Variants in CHCHD3 observed in about 807,000 individuals in gnomAD.
The protein encoded by CHCHD3 is MICOS complex subunit MIC19.
A neutral mutation model predicts 38.2 loss-of-function variants in CHCHD3; 20 were observed. The ratio of observed to expected loss-of-function variants is 0.52; its 90% CI spans 0.37 to 0.76. The LOEUF (loss-of-function observed/expected upper bound fraction) is 0.76, where lower values mean the gene tolerates loss of function less well. Among genes scored for constraint, CHCHD3 ranks in the 30% least tolerant of loss-of-function variants. CHCHD3 has a pLI of 0.00. For synonymous variants in CHCHD3, 82 were observed against 100.0 expected (o/e 0.82, Z 1.07); for missense variants, 245 against 279.2 (o/e 0.88, Z 0.87).
At chr7:132,976,689 C>T (rs747667679) in intron 3 of CHCHD3, among the ~76,000 whole-genome samples, 8 of 152,034 alleles carry the variant, frequency 5.3e-5, no homozygotes, top group Non-Finnish European at 1.2e-4. Context: ...CTACTTTATA[C>T]GTGTGAATGA....
intron 3 of CHCHD3, among the ~76,000 whole-genome samples, chr7:132,979,292 CT>C: frequency 6.6e-6 from 1 of 152,268 alleles, no homozygotes; most frequent in East Asian, 1.9e-4. Context: ...ACATATACTT[CT>C]ACTGTAATCC....
chr7:132,814,100 G>T (rs1020901897), intron 6 of CHCHD3, among the ~76,000 whole-genome samples: 1 of 152,146 alleles, frequency 6.6e-6, no homozygotes, highest in African/African-American at 2.4e-5. Context: ...GCAAAATCTC[G>T]CCTAAGACAA....
chr7:132,823,427 C>G (rs1487024793), intron 6 of CHCHD3, among the ~76,000 whole-genome samples: 1 of 152,032 alleles, frequency 6.6e-6, no homozygotes, highest in Non-Finnish European at 1.5e-5. Context: ...TAACAATATA[C>G]TAGAATAAAA....
At position 132,931,011 on chromosome 7, in the gene CHCHD3, G is replaced by A. The variant is rs1810500368; in HGVS notation, c.369+44158C>T. On this transcript the variant is annotated intron_variant, in intron 4 of 7. Coordinates refer to ENST00000262570, the MANE Select transcript of CHCHD3 (RefSeq NM_017812.4). ...TCTAACTAGAATTTAAGACCCAAGA[G>A]AGTTCAAGTTTTGAGGTTGCTTTGT... Among the ~76,000 whole-genome samples the A allele has an allele frequency of 2.0e-5, 3 of 152,152 alleles. No homozygotes were observed. In the South Asian group the frequency reaches 6.2e-4, roughly 32 times the overall value.
chr7:133,025,202 C>A (rs933751693), intron 2 of CHCHD3, among the ~76,000 whole-genome samples: 2 of 152,162 alleles, frequency 1.3e-5, no homozygotes, highest in African/African-American at 4.8e-5. Context: ...TGGAGAGAGA[C>A]AGAGAAGAGT....
chr7:132,802,551 G>A (rs745967015), intron 6 of CHCHD3, among the ~76,000 whole-genome samples: 21 of 152,172 alleles, frequency 1.4e-4, no homozygotes, highest in Non-Finnish European at 1.5e-4. Context: ...TGTTTAACAG[G>A]TGGAAGGATT....
intron 4 of CHCHD3, among the ~76,000 whole-genome samples, chr7:132,968,333 A>C (rs931577441): frequency 6.6e-6 from 1 of 152,190 alleles, no homozygotes; most frequent in Non-Finnish European, 1.5e-5. Context: ...AAGAGTCAGA[A>C]AGAATGGGAC....
chr7:132,943,107 A>G (rs189850849), intron 4 of CHCHD3, among the ~76,000 whole-genome samples: 131 of 152,306 alleles, frequency 8.6e-4, no homozygotes, highest in Non-Finnish European at 1.3e-3. Context: ...ACTACCTACT[A>G]TATCTAAATA....
At chr7:132,980,681 G>A (rs1811894845) in intron 3 of CHCHD3, among the ~76,000 whole-genome samples, 1 of 152,132 alleles carries the variant, frequency 6.6e-6, no homozygotes, top group Non-Finnish European at 1.5e-5. Flanking sequence ...GGGACTTAAG[G>A]TACACCAGCA....
chr7:132,936,919 T>C (rs1022251583), intron 4 of CHCHD3, among the ~76,000 whole-genome samples: 7 of 152,152 alleles, frequency 4.6e-5, no homozygotes, highest in East Asian at 1.9e-4. Flanking sequence ...GTCAAGAAAA[T>C]TGGAGTTGCT....
chr7:132,825,801 C>A (rs1363441824), intron 6 of CHCHD3, among the ~76,000 whole-genome samples: 1 of 152,202 alleles, frequency 6.6e-6, no homozygotes, highest in African/African-American at 2.4e-5. Context: ...CATTGACCTC[C>A]TGCCCACAGC....
At chr7:132,973,827 G>A (rs1811682900) in intron 4 of CHCHD3, 4 of 1,117,216 alleles carry the variant, frequency 3.6e-6, no homozygotes, top group Non-Finnish European at 4.4e-6. Context: ...ATTGCCTAGT[G>A]AACTAGGAAA....
intron 4 of CHCHD3, chr7:132,974,039 T>C: frequency 1.6e-6 from 2 of 1,280,260 alleles, no homozygotes; most frequent in Non-Finnish European, 2.0e-6. Flanking sequence ...CAAATAACAA[T>C]AAGAAATTGC....
chr7:132,892,579 A>AT (rs951921606), intron 4 of CHCHD3, among the ~76,000 whole-genome samples: 3 of 152,194 alleles, frequency 2.0e-5, no homozygotes, highest in Non-Finnish European at 1.5e-5. Flanking sequence ...AATGGGGAAA[A>AT]TGTCTCCAGG....
intron 4 of CHCHD3, among the ~76,000 whole-genome samples, chr7:132,887,575 A>AT (rs1390151737): frequency 6.6e-6 from 1 of 151,626 alleles, no homozygotes; most frequent in Non-Finnish European, 1.5e-5. Context: ...TTATTAACAT[A>AT]TAGAGCACTG....
intron 4 of CHCHD3, among the ~76,000 whole-genome samples, chr7:132,890,519 A>C (rs1308099052): frequency 6.6e-6 from 1 of 152,166 alleles, no homozygotes; most frequent in Non-Finnish European, 1.5e-5. Context: ...CAACACAACC[A>C]CTTAGCACAG....
At chr7:132,844,855 T>C (rs1395399576) in intron 5 of CHCHD3, among the ~76,000 whole-genome samples, 1 of 152,252 alleles carries the variant, frequency 6.6e-6, no homozygotes, top group African/African-American at 2.4e-5. Context: ...CCTATTTTAA[T>C]AGACAAGGCA....
intron 2 of CHCHD3, 150 bp downstream of exon 2, chr7:133,069,992 G>A (rs1012348565): frequency 3.5e-6 from 2 of 569,928 alleles, no homozygotes; most frequent in Admixed American, 3.7e-5. Flanking sequence ...CATTTTAAAA[G>A]AAACCCCAAT....
At chr7:132,807,501 G>T (rs1806954169) in intron 6 of CHCHD3, among the ~76,000 whole-genome samples, 1 of 151,446 alleles carries the variant, frequency 6.6e-6, no homozygotes, top group African/African-American at 2.4e-5. Flanking sequence ...AATGGAATAA[G>T]AGTTTATGGA....
Sources: gnomAD v4.1 joint callset for allele counts (sites outside exome capture counted in the v4.1 genomes callset) on GRCh38, gnomAD v4.1.1 for gene constraint, MANE v1.5 for transcripts, NCBI Gene and HGNC (gene_info 2026-07-23, HGNC 2026-07-21) for gene names.